TFAP2E: variants seen among roughly 807,000 people sequenced by gnomAD.
TFAP2E encodes transcription factor AP-2-epsilon.
A neutral mutation model predicts 37.9 loss-of-function variants in TFAP2E; 30 were observed. The observed-to-expected ratio is 0.79, with a 90% confidence interval of 0.59 to 1.07. TFAP2E has a LOEUF of 1.07. TFAP2E is among the 50% of genes least tolerant of loss of function. The probability of loss-of-function intolerance (pLI) is 0.00; values close to 1 mark genes in which losing one functional copy is unlikely to be tolerated. For synonymous variants in TFAP2E, 318 were observed against 295.8 expected (o/e 1.08, Z -0.77); for missense variants, 567 against 637.9 (o/e 0.89, Z 1.20).
chr1:35,591,944 T>C (rs1049302115), intron 6 of TFAP2E, among the ~76,000 whole-genome samples: 2 of 152,096 alleles, frequency 1.3e-5, no homozygotes, highest in Non-Finnish European at 2.9e-5. Flanking sequence ...CGCCTTGGAC[T>C]CCCAAAGTTC....
intron 4 of TFAP2E, 88 bp from the exon 5 acceptor site, chr1:35,589,842 G>A: frequency 7.3e-7 from 1 of 1,375,542 alleles, no homozygotes; most frequent in South Asian, 1.2e-5. Flanking sequence ...GCTGGTGGAG[G>A]CAACAAGGCC....
chr1:35,589,088 A>T lies in TFAP2E; in HGVS notation c.785+536A>T, dbSNP rs148388548. ...GGTGTGGACATGTGTGTGCGTGTGCATGTGTCTATAGTAGCGGATGGCCAG... is the reference window on the plus strand; with the variant it reads ...GGTGTGGACATGTGTGTGCGTGTGCTTGTGTCTATAGTAGCGGATGGCCAG... On this transcript the variant is annotated intron_variant, in intron 4 of 6. Coordinates refer to ENST00000373235, the MANE Select transcript of TFAP2E (RefSeq NM_178548.4). Among the ~76,000 whole-genome samples, 220 of 151,542 alleles carry T rather than the reference A, an allele frequency of 1.5e-3. 3 individuals are homozygous for T. Among genetic ancestry groups the T allele is most frequent in the African/African-American group, 4.6e-3 (191 of 41,268 alleles).
intron 2 of TFAP2E, 58 bp downstream of exon 2, chr1:35,574,467 G>A (rs1237678968): frequency 2.6e-5 from 35 of 1,356,556 alleles, no homozygotes; most frequent in Non-Finnish European, 3.1e-5. Flanking sequence ...TACTACCATG[G>A]CTGGAGGCAG....
At chr1:35,586,797 C>T (rs1241780158) in intron 3 of TFAP2E, among the ~76,000 whole-genome samples, 2 of 152,064 alleles carry the variant, frequency 1.3e-5, no homozygotes, top group African/African-American at 4.8e-5. Context: ...AGAGACTAGA[C>T]GTTCTGCCAG....
At position 35,573,836 on chromosome 1, in the gene TFAP2E, G is replaced by C; in HGVS notation, c.28-91G>C. On this transcript the variant is annotated intron_variant, in intron 1 of 6. Coordinates refer to ENST00000373235, the MANE Select transcript of TFAP2E (RefSeq NM_178548.4). The surrounding 1 kb of genome is among the most constrained non-coding windows in gnomAD (Gnocchi z 5.9). Reference sequence around the variant, plus strand: ...GCCCCAAGAAACGGGAGGGACTGCAGCTGAACCCTCCCGAGCTGAGGAGGA... The same window carrying C: ...GCCCCAAGAAACGGGAGGGACTGCACCTGAACCCTCCCGAGCTGAGGAGGA... 2 of 1,389,660 alleles carry C rather than the reference G, an allele frequency of 1.4e-6. No individual in the cohort carries two copies. Among genetic ancestry groups the C allele is most frequent in the South Asian group, 3.2e-5 (2 of 62,490 alleles). The allele number at this position is 1,389,660 out of a possible 1,614,324, so 86.1% of individuals were successfully genotyped here.
chr1:35,594,052 T>C (rs562884708), intron 6 of TFAP2E, among the ~76,000 whole-genome samples: 68 of 152,162 alleles, frequency 4.5e-4, no homozygotes, highest in Non-Finnish European at 6.9e-4. Flanking sequence ...CTGTGAAGCA[T>C]TGAGTGTTTG....
intron 3 of TFAP2E, among the ~76,000 whole-genome samples, chr1:35,583,932 A>G (rs1649416582): frequency 1.3e-5 from 2 of 152,172 alleles, no homozygotes; most frequent in African/African-American, 4.8e-5. Context: ...ACACATGAGC[A>G]ATGTCATCTC....
At position 35,573,491 on chromosome 1, in the gene TFAP2E, C is replaced by G. The variant is rs1037443077; in HGVS notation, c.-87C>G. On this transcript the variant is annotated 5_prime_UTR_variant, in exon 1 of 7. Transcript: ENST00000373235. This position sits in a 1 kb window ranked among gnomAD's most constrained non-coding sequence, Gnocchi z 5.9. ...CGCACCGTGACCTCCGCGGGCTGTG[C>G]CGGCTCCCGGCGCCTCTGCCCGCAG... The G allele has an allele frequency of 2.4e-5, 33 of 1,391,430 alleles. No individual in the cohort carries two copies. The highest frequency in any genetic ancestry group is 2.9e-5 in the Non-Finnish European group (31 of 1,074,898). 86.2% of individuals were successfully genotyped at this position (1,391,430 alleles called of 1,614,324 possible).
chr1:35,594,767 G>A lies in TFAP2E; in HGVS notation c.*91G>A, dbSNP rs1649785185. On this transcript the variant is annotated 3_prime_UTR_variant, in exon 7 of 7. Transcript: ENST00000373235. ...TGGGCCTGGAAGGACTGAAAGGTGG[G>A]ATTAGAGTCAGGCCAGAAAGAGAAC... The A allele has an allele frequency of 6.4e-7, 1 of 1,564,300 alleles. No homozygotes were observed. The highest frequency in any genetic ancestry group is 1.9e-5 in the Admixed American group (1 of 51,690).
intron 3 of TFAP2E, among the ~76,000 whole-genome samples, chr1:35,584,421 T>C (rs1649429452): frequency 6.6e-6 from 1 of 152,090 alleles, no homozygotes; most frequent in African/African-American, 2.4e-5. Context: ...CCCTAGGTTT[T>C]AATAGCAGTT....
chr1:35,594,815 T>C lies in TFAP2E; in HGVS notation c.*139T>C. 2 of 1,329,952 alleles carry C rather than the reference T, an allele frequency of 1.5e-6. No individual in the cohort carries two copies. The highest frequency in any genetic ancestry group is 2.0e-6 in the Non-Finnish European group (2 of 980,286). 82.4% of individuals were successfully genotyped at this position (1,329,952 alleles called of 1,614,324 possible). The stretch of plus-strand genomic sequence containing the variant: ...AACATTCATCCAGAGATCCCAGAGT[T>C]GGGGATCTGGCTTGGAGTAAGGGAG... On this transcript the variant is annotated 3_prime_UTR_variant, in exon 7 of 7. Transcript: ENST00000373235.
At chr1:35,584,876 A>AT (rs1013522735) in intron 3 of TFAP2E, among the ~76,000 whole-genome samples, 4 of 152,036 alleles carry the variant, frequency 2.6e-5, no homozygotes, top group Admixed American at 6.6e-5. Context: ...TCGAGGTATA[A>AT]TTTTTTTATA....
rs1649625413 is a variant in TFAP2E at position 35,590,461 on chromosome 1, C to T, written c.905-173C>T. ...AGCTCAGAGCCCAACCCTAATGGCC[C>T]CAAGGTGGGGCAATGGAATGGGGGC... On this transcript the variant is annotated intron_variant, in intron 5 of 6. Coordinates refer to ENST00000373235, the MANE Select transcript of TFAP2E (RefSeq NM_178548.4). This position sits in a 1 kb window ranked among gnomAD's most constrained non-coding sequence, Gnocchi z 6.2. 6.6e-6 allele frequency among the ~76,000 whole-genome samples: 1 copy of T among 151,970 alleles called. No individual in the cohort carries two copies. The highest frequency in any genetic ancestry group is 2.1e-4 in the South Asian group (1 of 4,828).
intron 3 of TFAP2E, among the ~76,000 whole-genome samples, chr1:35,579,664 G>T (rs1321522377): frequency 6.6e-6 from 1 of 151,960 alleles, no homozygotes; most frequent in Non-Finnish European, 1.5e-5. Flanking sequence ...CAAAGTGCTG[G>T]GATTACAGGC....
chr1:35,584,955 G>C (rs931512365), intron 3 of TFAP2E, among the ~76,000 whole-genome samples: 1 of 152,078 alleles, frequency 6.6e-6, no homozygotes, highest in Admixed American at 6.6e-5. Context: ...TTCACTCATG[G>C]CCACCTGTGC....
chr1:35,581,285 T>C (rs964553914), intron 3 of TFAP2E, among the ~76,000 whole-genome samples: 2 of 152,210 alleles, frequency 1.3e-5, no homozygotes, highest in African/African-American at 4.8e-5. Context: ...GTAACATATT[T>C]TGTTTATCCA....
At position 35,577,274 on chromosome 1, in the gene TFAP2E, G is replaced by T; in HGVS notation, c.562+2274G>T. The T allele has an allele frequency of 2.4e-6, 1 of 424,920 alleles. No homozygotes were observed. The highest frequency in any genetic ancestry group is 4.8e-6 in the Non-Finnish European group (1 of 209,144). The allele number at this position is 424,920 out of a possible 1,614,324, so 26.3% of individuals were successfully genotyped here. The stretch of plus-strand genomic sequence containing the variant: ...AGGCAGGTGGGCTCCTTGCTCCCTG[G>T]AGCCGCCCCTCCCCACACCTGCCCT... On this transcript the variant is annotated intron_variant, in intron 3 of 6. Transcript: ENST00000373235. The surrounding 1 kb of genome is among the most constrained non-coding windows in gnomAD (Gnocchi z 6.3).
rs1571107020 is a variant in TFAP2E, at chr1:35,588,481, G to T, written c.714G>T (p.Val238=). ...CAACGTCCAAGTACAAGGTGACGGT[G>T]GGGGAGGTGCAGCGGCGACTCTCGC... The part of the protein sequence containing the change: ...LSSTSKYKVT[V]GEVQRRLSPP... The change falls in exon 4 of 7, where the codon GTG becomes GTT. Residue 238 remains valine (V), a synonymous_variant. Coordinates refer to ENST00000373235, the MANE Select transcript of TFAP2E (RefSeq NM_178548.4). This position sits in a 1 kb window ranked among gnomAD's most constrained non-coding sequence, Gnocchi z 5.1. 2.5e-6 allele frequency: 4 copies of T among 1,609,050 alleles called. No homozygotes were observed. Among genetic ancestry groups the T allele is most frequent in the Non-Finnish European group, 3.4e-6 (4 of 1,178,980 alleles).
chr1:35,579,442 C>A (rs577846586), intron 3 of TFAP2E, among the ~76,000 whole-genome samples: 1 of 152,008 alleles, frequency 6.6e-6, no homozygotes, highest in Non-Finnish European at 1.5e-5. Flanking sequence ...TTTACTCTCT[C>A]GCCCAGGTTG....
Sources: allele counts gnomAD v4.1 joint callset (sites outside exome capture counted in the v4.1 genomes callset), GRCh38; gene constraint gnomAD v4.1.1; non-coding constraint Gnocchi (gnomAD v3.1); transcripts MANE v1.5; gene names NCBI Gene and HGNC (gene_info 2026-07-23, HGNC 2026-07-21).